IFT140: variants seen among roughly 807,000 people sequenced by gnomAD.
IFT140 encodes intraflagellar transport 140.
In IFT140, 133 loss-of-function variants were observed where a neutral mutation model predicts 164.6. The ratio of observed to expected loss-of-function variants is 0.81; its 90% CI spans 0.70 to 0.93. The LOEUF is 0.93. IFT140 is among the 40% of genes least tolerant of loss of function. The pLI is 0.00. For synonymous variants in IFT140, 860 were observed against 817.3 expected, an observed-to-expected ratio of 1.05 and a Z score of -0.89; for missense variants, 2,045 against 1,972.3, an observed-to-expected ratio of 1.04 and a Z score of -0.70.
intron 19 of IFT140, among the ~76,000 whole-genome samples, chr16:1,543,344 T>C (rs2031833967): frequency 1.3e-5 from 2 of 152,262 alleles, no homozygotes; most frequent in African/African-American, 4.8e-5. Context: ...AGAAGGAGGC[T>C]GACAGACTGT....
At chr16:1,558,827 T>A (rs1166177390) in intron 18 of IFT140, among the ~76,000 whole-genome samples, 1 of 152,176 alleles carries the variant, frequency 6.6e-6, no homozygotes, top group African/African-American at 2.4e-5. Flanking sequence ...CCTTCTGGGG[T>A]CAGGCTTCCC....
chr16:1,536,442 G>T (rs939035255), intron 19 of IFT140, among the ~76,000 whole-genome samples: 1 of 152,144 alleles, frequency 6.6e-6, no homozygotes, highest in African/African-American at 2.4e-5. Context: ...CAGCCCCTTG[G>T]ACAATATTTA....
At chr16:1,515,823 T>C (rs2040318427) in intron 30 of IFT140, among the ~76,000 whole-genome samples, 1 of 151,990 alleles carries the variant, frequency 6.6e-6, no homozygotes, top group Non-Finnish European at 1.5e-5. Context: ...TAAAGGGAGC[T>C]CAGGCTGAAG....
chr16:1,540,864 T>C, intron 19 of IFT140: 3 of 985,456 alleles, frequency 3.0e-6, no homozygotes, highest in Non-Finnish European at 3.6e-6. Flanking sequence ...GGCTAGGGAC[T>C]CTGTGGGGCT....
intron 16 of IFT140, among the ~76,000 whole-genome samples, chr16:1,565,197 C>T (rs1228264763): frequency 6.6e-6 from 1 of 152,160 alleles, no homozygotes; most frequent in African/African-American, 2.4e-5. Context: ...CGCTGCGGAC[C>T]TGGGTGACGG....
At chr16:1,518,171 C>A (rs1179432444) in intron 30 of IFT140, 45 bp downstream of exon 30, 2 of 1,595,994 alleles carry the variant, frequency 1.3e-6, no homozygotes, top group South Asian at 1.1e-5. Flanking sequence ...GTTTCAGGAG[C>A]CTTGTGTGGC....
intron 13 of IFT140, among the ~76,000 whole-genome samples, chr16:1,575,762 A>T (rs1437714985): frequency 6.8e-6 from 1 of 148,042 alleles, no homozygotes; most frequent in Admixed American, 6.7e-5. Context: ...ACCCTTTCCC[A>T]TCACACCACT....
intron 19 of IFT140, among the ~76,000 whole-genome samples, chr16:1,544,853 T>A (rs1435716670): frequency 6.6e-6 from 1 of 151,866 alleles, no homozygotes; most frequent in Non-Finnish European, 1.5e-5. Context: ...TTTCACCGTG[T>A]TAGCCAGGAT....
chr16:1,586,185 T>A lies in IFT140; in HGVS notation c.1100A>T (p.Asp367Val). ...FLGSPGAEGK[D>V]RWALQTPTEL... The stretch of plus-strand genomic sequence containing the variant: ...GGTAGGGGTCTGAAGGGCCCACCTG[T>A]CCTTGCCCTCTGCCCCGGGGCTGCC... Residue 367 changes from aspartate (D) to valine (V), a missense_variant, in exon 10 of 31, where the codon GAC becomes GTC. By Grantham distance (152) the Asp-to-Val change is radical. Transcript: ENST00000426508. 6.2e-7 allele frequency: 1 copy of A among 1,614,098 alleles called. No homozygotes were observed. Among genetic ancestry groups the A allele is most frequent in the Non-Finnish European group, 8.5e-7 (1 of 1,180,022 alleles).
intron 10 of IFT140, among the ~76,000 whole-genome samples, chr16:1,585,337 T>C (rs1436629303): frequency 6.6e-6 from 1 of 152,178 alleles, no homozygotes; most frequent in Non-Finnish European, 1.5e-5. Flanking sequence ...TGTTGTGTGA[T>C]TCCATTTCCA....
chr16:1,520,692 C>T lies in IFT140; in HGVS notation c.3570G>A (p.Glu1190=), dbSNP rs1885429577. The T allele has an allele frequency of 1.9e-6, 3 of 1,609,898 alleles. No individual in the cohort carries two copies. The highest frequency in any genetic ancestry group is 1.1e-5 in the South Asian group (1 of 90,284). ...AGCAGTCTGCTATCTGCTCCAGCAG[C>T]TCCCGCCGCGACTCCTCAGGCAGGT... ...SSDLPEESRR[E]LLEQIADCCM... The change falls in exon 27 of 31, where the codon GAG becomes GAA. Residue 1190 remains glutamate, a synonymous_variant. Coordinates refer to ENST00000426508, the MANE Select transcript of IFT140 (RefSeq NM_014714.4).
At chr16:1,568,718 C>T (rs1451054621) in intron 14 of IFT140, among the ~76,000 whole-genome samples, 3 of 152,100 alleles carry the variant, frequency 2.0e-5, no homozygotes, top group African/African-American at 7.2e-5. Flanking sequence ...CATGCCACTG[C>T]ACTCCAGCCT....
At chr16:1,578,969 C>T (rs923187687) in intron 13 of IFT140, among the ~76,000 whole-genome samples, 3 of 152,156 alleles carry the variant, frequency 2.0e-5, no homozygotes, top group Non-Finnish European at 4.4e-5. Context: ...ACCTCGCCCT[C>T]CCCAAAGTGC....
At position 1,583,347 on chromosome 16, in the gene IFT140, AG is replaced by A; in HGVS notation, c.1398del (p.Phe467SerfsTer21). On this transcript the variant is annotated frameshift_variant, in exon 12 of 31. Coordinates refer to ENST00000426508, the MANE Select transcript of IFT140 (RefSeq NM_014714.4). LOFTEE classifies it high-confidence loss of function. Reference sequence around the variant, plus strand: ...CGTATCGCGGCTCCAGAAAGCTCGAAGATCGCCACCTGCCTTCCGTTCCAGA... The same window carrying A: ...CGTATCGCGGCTCCAGAAAGCTCGAAATCGCCACCTGCCTTCCGTTCCAGA... ...VAVWNGRQVAIFELSGAAIRS... is the reference protein window; with the variant it reads ...VAVWNGRQVAXFELSGAAIRS... 1 of 1,614,200 alleles carries A rather than the reference AG, an allele frequency of 6.2e-7. No homozygotes were observed. The highest frequency in any genetic ancestry group is 8.5e-7 in the Non-Finnish European group (1 of 1,180,038).
At chr16:1,578,223 C>T (rs2034375135) in intron 13 of IFT140, 1 of 152,096 alleles carries the variant, frequency 6.6e-6, no homozygotes, top group African/African-American at 2.4e-5. Context: ...GCACTTATCG[C>T]TGACTTGTCT....
At chr16:1,583,026 C>T (rs975847351) in intron 12 of IFT140, among the ~76,000 whole-genome samples, 1 of 151,502 alleles carries the variant, frequency 6.6e-6, no homozygotes. Flanking sequence ...GGTCTCACTG[C>T]TGTGCATGGT....
rs1011257877 is a variant in IFT140, at chr16:1,551,543, T to C, written c.2399+6392A>G. Among the ~76,000 whole-genome samples the C allele has an allele frequency of 3.3e-5, 5 of 152,114 alleles. No individual in the cohort carries two copies. The highest frequency in any genetic ancestry group is 1.2e-4 in the African/African-American group (5 of 41,430). On this transcript the variant is annotated intron_variant, in intron 19 of 30. Coordinates refer to ENST00000426508, the MANE Select transcript of IFT140 (RefSeq NM_014714.4). This position sits in a 1 kb window ranked among gnomAD's most constrained non-coding sequence, Gnocchi z 4.0. ...CTGGGGAGACAGGATGTGAGTTTCA[T>C]ACAGATCAGGGTGCAGCGGTGGAGG... is the stretch of plus-strand genomic sequence containing the variant.
chr16:1,546,651 C>A (rs1016158575), intron 19 of IFT140, among the ~76,000 whole-genome samples: 1 of 152,200 alleles, frequency 6.6e-6, no homozygotes, highest in Admixed American at 6.5e-5. Context: ...CCCTCGGGGG[C>A]GCAAACTGTC....
chr16:1,582,820 T>C (rs930127589), intron 12 of IFT140, among the ~76,000 whole-genome samples: 7 of 152,244 alleles, frequency 4.6e-5, no homozygotes, highest in Non-Finnish European at 1.0e-4. Context: ...GGACAACTGC[T>C]TGAGCCCGGG....
Sources: allele counts gnomAD v4.1 joint callset (sites outside exome capture counted in the v4.1 genomes callset), GRCh38; gene constraint gnomAD v4.1.1; non-coding constraint Gnocchi (gnomAD v3.1); transcripts MANE v1.5; gene names NCBI Gene and HGNC (gene_info 2026-07-23, HGNC 2026-07-21).